Variants in ARMC9 observed in about 807,000 individuals in gnomAD.
The protein encoded by ARMC9 is lisH domain-containing protein ARMC9.
A neutral mutation model predicts 107.0 loss-of-function variants in ARMC9; 94 were observed. That is an observed-to-expected ratio of 0.88 (90% CI 0.74 to 1.04). ARMC9 has a LOEUF of 1.04. ARMC9 is among the 50% of genes least tolerant of loss of function. The probability of loss-of-function intolerance (pLI) is 0.00; values close to 1 mark genes in which losing one functional copy is unlikely to be tolerated. For synonymous variants in ARMC9, 380 were observed against 396.9 expected (o/e 0.96, Z 0.51); for missense variants, 942 against 1,030.1 (o/e 0.91, Z 1.17).
At chr2:231,247,490 C>A (rs760624480) in intron 9 of ARMC9, among the ~76,000 whole-genome samples, 2 of 152,194 alleles carry the variant, frequency 1.3e-5, no homozygotes, top group Non-Finnish European at 2.9e-5. Flanking sequence ...TACGCTTTCC[C>A]CACATTGCTG....
intron 8 of ARMC9, among the ~76,000 whole-genome samples, chr2:231,239,113 C>T (rs1213502150): frequency 6.6e-6 from 1 of 152,108 alleles, no homozygotes; most frequent in African/African-American, 2.4e-5. Context: ...GAAGGGTGTA[C>T]ACTTTTTAAT....
intron 19 of ARMC9, among the ~76,000 whole-genome samples, chr2:231,316,353 T>C (rs1050571953): frequency 6.6e-6 from 1 of 152,056 alleles, no homozygotes; most frequent in Admixed American, 6.5e-5. Context: ...TGAAGCATAG[T>C]TTCACTGCAT....
At chr2:231,258,698 G>A (rs1449589952) in intron 10 of ARMC9, among the ~76,000 whole-genome samples, 2 of 152,188 alleles carry the variant, frequency 1.3e-5, no homozygotes, top group East Asian at 3.8e-4. Flanking sequence ...TGCTAGGGAG[G>A]TCTGGCTGAA....
intron 3 of ARMC9, among the ~76,000 whole-genome samples, chr2:231,210,330 A>G (rs1177716323): frequency 1.3e-5 from 2 of 152,220 alleles, no homozygotes; most frequent in Non-Finnish European, 2.9e-5. Context: ...ATATGTTCAG[A>G]ACATAAAAGA....
intron 9 of ARMC9, among the ~76,000 whole-genome samples, chr2:231,254,149 T>C (rs2037544049): frequency 6.6e-6 from 1 of 151,922 alleles, no homozygotes; most frequent in Admixed American, 6.6e-5. Context: ...AAGGATGAAA[T>C]CTCTAAATGT....
At chr2:231,285,231 A>G (rs1280967515) in intron 17 of ARMC9, among the ~76,000 whole-genome samples, 1 of 152,152 alleles carries the variant, frequency 6.6e-6, no homozygotes, top group Non-Finnish European at 1.5e-5. Context: ...GGTCTTGGTC[A>G]AACATCAGCT....
chr2:231,221,165 C>T (rs2034084497), intron 5 of ARMC9, among the ~76,000 whole-genome samples: 1 of 152,164 alleles, frequency 6.6e-6, no homozygotes, highest in Non-Finnish European at 1.5e-5. Flanking sequence ...GGGGAGGATC[C>T]TTCCTTTCCC....
chr2:231,300,502 C>T (rs1481376495), intron 19 of ARMC9, among the ~76,000 whole-genome samples: 1 of 152,182 alleles, frequency 6.6e-6, no homozygotes, highest in Non-Finnish European at 1.5e-5. Context: ...CTGGCAGTGC[C>T]GGGTGCCAGG....
At chr2:231,269,959 G>T (rs2039181422) in intron 12 of ARMC9, among the ~76,000 whole-genome samples, 1 of 139,874 alleles carries the variant, frequency 7.1e-6, no homozygotes, top group Non-Finnish European at 1.5e-5. Context: ...GAGAGATTTG[G>T]AGTGAAGGGG....
At chr2:231,299,865 A>G (rs943069911) in intron 19 of ARMC9, among the ~76,000 whole-genome samples, 2 of 152,196 alleles carry the variant, frequency 1.3e-5, no homozygotes, top group African/African-American at 4.8e-5. Context: ...AAACAAAACC[A>G]TCATTAGATC....
intron 13 of ARMC9, among the ~76,000 whole-genome samples, chr2:231,272,476 T>A (rs1414691534): frequency 6.6e-6 from 1 of 151,776 alleles, no homozygotes; most frequent in Non-Finnish European, 1.5e-5. Context: ...GTTACAGGCG[T>A]GAGCCACCTT....
chr2:231,316,326 C>CA (rs2042676816), intron 19 of ARMC9, among the ~76,000 whole-genome samples: 1 of 151,456 alleles, frequency 6.6e-6, no homozygotes, highest in Admixed American at 6.6e-5. Context: ...TTGATTTGGT[C>CA]AAAACACCTT....
At chr2:231,280,694 A>G (rs2040150366) in intron 16 of ARMC9, among the ~76,000 whole-genome samples, 1 of 152,194 alleles carries the variant, frequency 6.6e-6, no homozygotes, top group Non-Finnish European at 1.5e-5. Context: ...AAGTCAAAAG[A>G]TGAATGAAAC....
At chr2:231,204,376 G>A (rs574355620) in intron 1 of ARMC9, among the ~76,000 whole-genome samples, 1 of 152,136 alleles carries the variant, frequency 6.6e-6, no homozygotes, top group Admixed American at 6.5e-5. Context: ...AGACTGCAGA[G>A]CTCTTCAGCC....
intron 9 of ARMC9, among the ~76,000 whole-genome samples, chr2:231,252,488 G>A (rs147143605): frequency 0.012 from 1,763 of 152,240 alleles, 18 homozygotes; most frequent in Non-Finnish European, 0.015. Context: ...GACCTCAAGT[G>A]ATCCACCCAC....
chr2:231,358,682 C>T lies in ARMC9; in HGVS notation c.2132-2072C>T, dbSNP rs895721101. Among the ~76,000 whole-genome samples the T allele has an allele frequency of 3.9e-5, 6 of 152,168 alleles. No individual in the cohort carries two copies. The highest frequency in any genetic ancestry group is 2.1e-4 in the South Asian group (1 of 4,828). ...CTTGAGGAAGAGCCTTTGCGCTTTG[C>T]GTTCAGTCAGCACCGCAGGGAAAAC... On this transcript the variant is annotated intron_variant, in intron 22 of 24. Transcript: ENST00000611582. This position sits in a 1 kb window ranked among gnomAD's most constrained non-coding sequence, Gnocchi z 4.5.
intron 5 of ARMC9, among the ~76,000 whole-genome samples, chr2:231,221,082 G>C (rs912159439): frequency 2.0e-5 from 3 of 152,164 alleles, no homozygotes; most frequent in African/African-American, 7.2e-5. Flanking sequence ...GCAGGCATTC[G>C]TTGTCTTACA....
chr2:231,231,232 T>G (rs1399644785), intron 7 of ARMC9, among the ~76,000 whole-genome samples: 3 of 152,342 alleles, frequency 2.0e-5, no homozygotes, highest in Admixed American at 1.3e-4. Context: ...TGATTCATCA[T>G]GTACCACTTG....
At chr2:231,292,148 A>G (rs2041049835) in intron 18 of ARMC9, among the ~76,000 whole-genome samples, 1 of 150,928 alleles carries the variant, frequency 6.6e-6, no homozygotes, top group Non-Finnish European at 1.5e-5. Flanking sequence ...AGCCTGGGCG[A>G]CAGAGCGAAA....
Sources: allele counts gnomAD v4.1 joint callset (sites outside exome capture counted in the v4.1 genomes callset), GRCh38; gene constraint gnomAD v4.1.1; non-coding constraint Gnocchi (gnomAD v3.1); transcripts MANE v1.5; gene names NCBI Gene and HGNC (gene_info 2026-07-23, HGNC 2026-07-21).